The following MED12L variants were observed in gnomAD, a reference collection of about 807,000 sequenced individuals.
The protein encoded by MED12L is mediator of RNA polymerase II transcription subunit 12-like protein.
In MED12L, 60 loss-of-function variants were observed where a neutral mutation model predicts 281.3. The observed-to-expected ratio is 0.21, with a 90% CI of 0.17 to 0.26. The LOEUF (loss-of-function observed/expected upper bound fraction) is 0.26. Ranked by LOEUF, MED12L falls within the 10% of genes least tolerant of loss-of-function variation. The probability of loss-of-function intolerance (pLI) is 1.00; values close to 1 mark genes in which losing one functional copy is unlikely to be tolerated. For missense variants in MED12L, 2,146 were observed against 2,680.9 expected (o/e 0.80, Z 4.41); for synonymous variants, 974 against 987.2 (o/e 0.99, Z 0.25).
intron 16 of MED12L, among the ~76,000 whole-genome samples, chr3:151,299,472 CTCTTCCTT>C (rs1745610180): frequency 7.3e-6 from 1 of 137,844 alleles, no homozygotes; most frequent in South Asian, 2.6e-4. Context: ...CTCTCTCCCT[CTCTTCCTT>C]TCTTCCTTTT....
chr3:151,265,125 T>C (rs912802375), intron 16 of MED12L, among the ~76,000 whole-genome samples: 5 of 152,336 alleles, frequency 3.3e-5, no homozygotes, highest in African/African-American at 1.2e-4. Flanking sequence ...CCACTTGTTA[T>C]GCTGTGTGTC....
intron 16 of MED12L, among the ~76,000 whole-genome samples, chr3:151,303,267 G>T (rs1026295511): frequency 6.6e-6 from 1 of 152,146 alleles, no homozygotes; most frequent in Admixed American, 6.5e-5. Context: ...GGACAAACAC[G>T]TACTGGGAAG....
chr3:151,153,853 G>A lies in MED12L; in HGVS notation c.557-2308G>A, dbSNP rs541969770. On this transcript the variant is annotated intron_variant, in intron 5 of 44. Coordinates refer to ENST00000687756, the MANE Select transcript of MED12L (RefSeq NM_001393769.1). ...CAAAGTGCTAGGATTACAGGTGTGA[G>A]CTACCTCACCCGGCCTTCTGTTTTC... Among the ~76,000 whole-genome samples, 4 of 152,242 alleles carry A rather than the reference G, an allele frequency of 2.6e-5. No homozygotes were observed. In the East Asian group the frequency reaches 7.7e-4, roughly 29 times the overall value.
chr3:151,300,429 T>C (rs1240895390), intron 16 of MED12L, among the ~76,000 whole-genome samples: 1 of 152,220 alleles, frequency 6.6e-6, no homozygotes, highest in Non-Finnish European at 1.5e-5. Flanking sequence ...CTTTGCATTC[T>C]TCACAACATC....
intron 5 of MED12L, among the ~76,000 whole-genome samples, chr3:151,135,952 A>G (rs1395368825): frequency 6.6e-6 from 1 of 152,212 alleles, no homozygotes; most frequent in African/African-American, 2.4e-5. Flanking sequence ...TATCATGCGC[A>G]TGAGGTCTTT....
chr3:151,326,456 A>G (rs1250879876), intron 16 of MED12L: 1 of 152,666 alleles, frequency 6.6e-6, no homozygotes, highest in African/African-American at 2.4e-5. Flanking sequence ...GTGTGACAGC[A>G]TACAGAGGAG....
chr3:151,226,230 G>T (rs1303439980), intron 16 of MED12L, among the ~76,000 whole-genome samples: 2 of 152,194 alleles, frequency 1.3e-5, no homozygotes, highest in Non-Finnish European at 2.9e-5. Flanking sequence ...ATTGACAAAT[G>T]AGTTGGCTTT....
intron 16 of MED12L, among the ~76,000 whole-genome samples, chr3:151,218,285 T>C (rs1484714404): frequency 6.6e-6 from 1 of 152,176 alleles, no homozygotes; most frequent in Non-Finnish European, 1.5e-5. Context: ...CTCATGCCAG[T>C]CCATTAAAGA....
At chr3:151,153,724 A>G (rs1016081579) in intron 5 of MED12L, among the ~76,000 whole-genome samples, 11 of 151,318 alleles carry the variant, frequency 7.3e-5, no homozygotes, top group African/African-American at 2.4e-4. Context: ...ACCCACTACC[A>G]TGTCTGACTA....
At chr3:151,427,265 TTTA>T (rs1376091306) in intron 43 of MED12L, among the ~76,000 whole-genome samples, 2 of 152,208 alleles carry the variant, frequency 1.3e-5, no homozygotes, top group African/African-American at 4.8e-5. Context: ...TGTCTTAGTA[TTTA>T]TTTTGAAAAT....
At chr3:151,392,363 G>A (rs972957485) in intron 38 of MED12L, among the ~76,000 whole-genome samples, 1 of 151,356 alleles carries the variant, frequency 6.6e-6, no homozygotes, top group African/African-American at 2.4e-5. Context: ...CTGCTTGGGA[G>A]GCCAAAGCAG....
intron 5 of MED12L, among the ~76,000 whole-genome samples, chr3:151,134,832 T>C (rs1715906725): frequency 6.6e-6 from 1 of 152,152 alleles, no homozygotes; most frequent in Non-Finnish European, 1.5e-5. Flanking sequence ...GGATTTAACT[T>C]CAGCTTGAGC....
chr3:151,399,929 C>T (rs1047438252), intron 39 of MED12L, among the ~76,000 whole-genome samples: 27 of 152,028 alleles, frequency 1.8e-4, no homozygotes, highest in African/African-American at 6.3e-4. Context: ...CGGGTTCAAG[C>T]GATTCTCCTG....
chr3:151,426,964 GCACCAC>G (rs1345666515), intron 43 of MED12L, among the ~76,000 whole-genome samples: 2 of 151,918 alleles, frequency 1.3e-5, no homozygotes, highest in Admixed American at 1.3e-4. Flanking sequence ...CTACAGGCAT[GCACCAC>G]CATGCCTGGC....
At chr3:151,277,224 A>G (rs569658237) in intron 16 of MED12L, among the ~76,000 whole-genome samples, 83 of 151,110 alleles carry the variant, frequency 5.5e-4, no homozygotes, top group African/African-American at 2.0e-3. Context: ...TTTTTTTTCC[A>G]GACATGACAA....
At chr3:151,245,273 G>A (rs2149407700) in intron 16 of MED12L, among the ~76,000 whole-genome samples, 1 of 152,128 alleles carries the variant, frequency 6.6e-6, no homozygotes, top group Admixed American at 6.5e-5. Flanking sequence ...ATTTTATGAG[G>A]CCAGCATCAT....
intron 42 of MED12L, among the ~76,000 whole-genome samples, 167 bp from the exon 43 acceptor site, chr3:151,416,145 C>T (rs1179044484): frequency 6.6e-6 from 1 of 152,142 alleles, no homozygotes; most frequent in Non-Finnish European, 1.5e-5. Flanking sequence ...TTAGGTCTTG[C>T]CCTCAAAAGG....
chr3:151,149,893 G>A lies in MED12L; in HGVS notation c.557-6268G>A, dbSNP rs558524627. Among the ~76,000 whole-genome samples, 5 of 152,326 alleles carry A rather than the reference G, an allele frequency of 3.3e-5. No homozygotes were observed. In the South Asian group the frequency reaches 1.0e-3, roughly 32 times the overall value. On this transcript the variant is annotated intron_variant, in intron 5 of 44. Transcript: ENST00000687756. ...TCATGCTTAATTTTACTGGGAGGTT[G>A]CAGCAATTCAGTCCCATCTTCAGGC...
chr3:151,176,162 T>A (rs969121755), intron 11 of MED12L, among the ~76,000 whole-genome samples: 4 of 152,222 alleles, frequency 2.6e-5, no homozygotes, highest in Non-Finnish European at 5.9e-5. Flanking sequence ...TAGCTTGAGT[T>A]GGACTCAGAT....
Sources: gnomAD v4.1 joint callset for allele counts (sites outside exome capture counted in the v4.1 genomes callset) on GRCh38, gnomAD v4.1.1 for gene constraint, MANE v1.5 for transcripts, NCBI Gene and HGNC (gene_info 2026-07-23, HGNC 2026-07-21) for gene names.